Variants in SOX6 observed in about 807,000 individuals in gnomAD.
The protein encoded by SOX6 is transcription factor SOX-6.
Under a neutral mutation model 97.8 loss-of-function variants are expected in SOX6, and 11 were observed. The ratio of observed to expected loss-of-function variants is 0.11; its 90% CI spans 0.07 to 0.19. The LOEUF is 0.19. SOX6 is among the 10% of genes least tolerant of loss of function. The pLI is 1.00. For synonymous variants in SOX6, 360 were observed against 371.4 expected (o/e 0.97, Z 0.35); for missense variants, 810 against 1,039.5 (o/e 0.78, Z 3.04).
chr11:16,448,263 G>T (rs1490962219), intron 1 of SOX6, among the ~76,000 whole-genome samples: 1 of 152,096 alleles, frequency 6.6e-6, no homozygotes, highest in Admixed American at 6.5e-5. Context: ...AAAAATACAT[G>T]ATTTGTATTG....
At chr11:15,988,301 A>T (rs1032763995) in intron 14 of SOX6, among the ~76,000 whole-genome samples, 2 of 152,244 alleles carry the variant, frequency 1.3e-5, no homozygotes, top group African/African-American at 4.8e-5. Flanking sequence ...GGCAAGCTCT[A>T]CACTAATAGA....
At chr11:16,085,777 G>A (rs1848563937) in intron 9 of SOX6, among the ~76,000 whole-genome samples, 4 of 152,152 alleles carry the variant, frequency 2.6e-5, no homozygotes, top group Admixed American at 2.0e-4. Context: ...AATTATAAGA[G>A]GCAAAGCAAC....
intron 4 of SOX6, among the ~76,000 whole-genome samples, chr11:16,556,141 A>T (rs1277069099): frequency 2.0e-5 from 3 of 151,764 alleles, no homozygotes; most frequent in Non-Finnish European, 3.0e-5. Context: ...CAGACTATCC[A>T]GTAACACATT....
At chr11:16,281,439 A>G (rs1385267302) in intron 3 of SOX6, among the ~76,000 whole-genome samples, 1 of 152,066 alleles carries the variant, frequency 6.6e-6, no homozygotes, top group Non-Finnish European at 1.5e-5. Context: ...CAATCTTTAC[A>G]AAGACACACA....
At chr11:16,657,874 C>A (rs1338319162) in intron 3 of SOX6, among the ~76,000 whole-genome samples, 1 of 152,142 alleles carries the variant, frequency 6.6e-6, no homozygotes, top group African/African-American at 2.4e-5. Flanking sequence ...GAAGGTTCTG[C>A]AACATGCTAT....
intron 9 of SOX6, among the ~76,000 whole-genome samples, chr11:16,088,962 G>A (rs183482116): frequency 6.6e-6 from 1 of 152,244 alleles, no homozygotes. Context: ...AATAGCTCTA[G>A]GGGAATTGCT....
chr11:16,581,136 C>T (rs573329341), intron 4 of SOX6, among the ~76,000 whole-genome samples: 50 of 152,168 alleles, frequency 3.3e-4, no homozygotes, highest in Admixed American at 3.9e-4. Context: ...ATTATAAAAA[C>T]GTATGCACAC....
chr11:16,202,579 T>A (rs1329462886), intron 4 of SOX6, among the ~76,000 whole-genome samples: 6 of 152,146 alleles, frequency 3.9e-5, no homozygotes, highest in Non-Finnish European at 4.4e-5. Context: ...TTACTAGCAA[T>A]GTGGTTTAAC....
At chr11:16,086,963 C>G (rs1457618215) in intron 9 of SOX6, among the ~76,000 whole-genome samples, 1 of 152,114 alleles carries the variant, frequency 6.6e-6, no homozygotes, top group African/African-American at 2.4e-5. Context: ...ATAAATTATA[C>G]AAGAAAGCTT....
chr11:16,706,449 CAAAA>C (rs71047512), intron 3 of SOX6, among the ~76,000 whole-genome samples: 82 of 2,432 alleles, frequency 0.034, 1 homozygote, highest in East Asian at 0.045. Flanking sequence ...GAACCTATCA[CAAAA>C]AAAAAAAAAA....
intron 12 of SOX6, among the ~76,000 whole-genome samples, chr11:16,029,492 C>A (rs144843937): frequency 1.1e-4 from 17 of 152,122 alleles, no homozygotes; most frequent in African/African-American, 3.1e-4. Context: ...AAAAATTAGC[C>A]GGGCGTGGTA....
intron 3 of SOX6, among the ~76,000 whole-genome samples, chr11:16,700,817 G>A (rs1161617492): frequency 6.6e-6 from 1 of 152,062 alleles, no homozygotes; most frequent in Non-Finnish European, 1.5e-5. Context: ...TGGTCTCTGG[G>A]TGCACCAGCA....
intron 3 of SOX6, among the ~76,000 whole-genome samples, chr11:16,685,863 C>G (rs1278738285): frequency 6.6e-6 from 1 of 152,282 alleles, no homozygotes; most frequent in African/African-American, 2.4e-5. Context: ...CATACATTCT[C>G]TGAAATCTTG....
Position 15,978,085 on chromosome 11 carries a change from C to A in SOX6, c.2184-4973G>T, listed in dbSNP as rs749927543. On this transcript the variant is annotated intron_variant, in intron 15 of 15. Transcript: ENST00000683767. ...TTGTTTACTAAAGATATCTCTCCAG[C>A]AATTGTCTCTCCTATCTGAATCATT... 2.0e-5 allele frequency among the ~76,000 whole-genome samples: 3 copies of A among 152,004 alleles called. No individual in the cohort carries two copies. In the South Asian group the frequency reaches 6.2e-4, roughly 31 times the overall value.
intron 11 of SOX6, among the ~76,000 whole-genome samples, chr11:16,047,810 T>C (rs1282894267): frequency 6.6e-6 from 1 of 151,898 alleles, no homozygotes; most frequent in Non-Finnish European, 1.5e-5. Flanking sequence ...GGATGTCTGA[T>C]GTGTACAATG....
intron 3 of SOX6, among the ~76,000 whole-genome samples, chr11:16,712,419 T>A (rs1372206444): frequency 6.6e-6 from 1 of 152,174 alleles, no homozygotes; most frequent in Non-Finnish European, 1.5e-5. Flanking sequence ...CTATTTTTTT[T>A]TTATTTTTTA....
intron 1 of SOX6, among the ~76,000 whole-genome samples, chr11:16,463,734 C>T (rs1389201921): frequency 6.6e-6 from 1 of 152,168 alleles, no homozygotes; most frequent in Non-Finnish European, 1.5e-5. Context: ...GCAGGCTGTT[C>T]CCTCTAGATA....
intron 1 of SOX6, among the ~76,000 whole-genome samples, chr11:16,349,943 T>C (rs1203185948): frequency 6.6e-6 from 1 of 152,230 alleles, no homozygotes; most frequent in African/African-American, 2.4e-5. Context: ...ATGCCTGATA[T>C]GCCTAATATT....
chr11:16,246,512 T>C (rs977292817), intron 3 of SOX6, among the ~76,000 whole-genome samples: 5 of 151,974 alleles, frequency 3.3e-5, no homozygotes, highest in African/African-American at 1.2e-4. Context: ...TTTTTTCTAA[T>C]TATAAAATTG....
Sources: allele counts gnomAD v4.1 joint callset (sites outside exome capture counted in the v4.1 genomes callset), GRCh38; gene constraint gnomAD v4.1.1; transcripts MANE v1.5; gene names NCBI Gene and HGNC (gene_info 2026-07-23, HGNC 2026-07-21).